ENPP1: variants seen among roughly 807,000 people sequenced by gnomAD.
ENPP1 encodes the protein ectonucleotide pyrophosphatase/phosphodiesterase 1.
In ENPP1, 73 loss-of-function variants were observed where a neutral mutation model predicts 122.8. That is an observed-to-expected ratio of 0.59 (90% CI 0.49 to 0.72). The LOEUF is 0.72. Ranked by LOEUF, ENPP1 falls within the 30% of genes least tolerant of loss-of-function variation. ENPP1 has a pLI of 0.00. For missense variants in ENPP1, 978 were observed against 1,128.1 expected (o/e 0.87, Z 1.91); for synonymous variants, 367 against 391.6 (o/e 0.94, Z 0.74).
intron 1 of ENPP1, among the ~76,000 whole-genome samples, chr6:131,812,571 C>A (rs1044819904): frequency 5.3e-5 from 8 of 152,124 alleles, no homozygotes; most frequent in Non-Finnish European, 1.2e-4. Flanking sequence ...AAGAGTATCA[C>A]CTTGTTAATG....
At chr6:131,836,117 CT>C (rs35069563) in intron 1 of ENPP1, among the ~76,000 whole-genome samples, 154 of 143,454 alleles carry the variant, frequency 1.1e-3, no homozygotes, top group Admixed American at 1.5e-3. Context: ...GTGTGGTTTT[CT>C]TTTTTTTTTT....
At chr6:131,861,203 G>A (rs1318813534) in intron 8 of ENPP1, among the ~76,000 whole-genome samples, 1 of 152,082 alleles carries the variant, frequency 6.6e-6, no homozygotes, top group Non-Finnish European at 1.5e-5. Flanking sequence ...ATTATTGTGA[G>A]GATTATGTGA....
chr6:131,822,989 C>T (rs894360648), intron 1 of ENPP1, among the ~76,000 whole-genome samples: 2 of 152,126 alleles, frequency 1.3e-5, no homozygotes, highest in African/African-American at 4.8e-5. Context: ...ACTCCTAAGC[C>T]GAGACTAGTT....
chr6:131,878,444 T>C, intron 18 of ENPP1, 98 bp from the exon 19 acceptor site: 1 of 780,868 alleles, frequency 1.3e-6, no homozygotes, highest in Non-Finnish European at 2.2e-6. Context: ...TAAATGATCT[T>C]TGTTCTATGT....
In ENPP1 at chr6:131,826,967, G is replaced by C. The variant is rs1781553745; in HGVS notation, c.240+18692G>C. ...TTCAGGCAGAGGATTTTAAAATTCT[G>C]CTCCAAAAAGCCAGTGCAGGATGGT... On this transcript the variant is annotated intron_variant, in intron 1 of 24. Coordinates refer to ENST00000647893, the MANE Select transcript of ENPP1 (RefSeq NM_006208.3). The C allele has an allele frequency of 7.6e-6, 3 of 395,986 alleles. No homozygotes were observed. The South Asian group carries it at 8.0e-5, about 11-fold the overall frequency. 24.5% of individuals were successfully genotyped at this position (395,986 alleles called of 1,614,324 possible).
chr6:131,859,479 G>A (rs1781989486), intron 7 of ENPP1, among the ~76,000 whole-genome samples: 4 of 151,376 alleles, frequency 2.6e-5, no homozygotes, highest in African/African-American at 4.9e-5. Context: ...TCCACCTCCC[G>A]GGTTCAAGTA....
chr6:131,834,888 C>T (rs1460922946), intron 1 of ENPP1, among the ~76,000 whole-genome samples: 1 of 152,070 alleles, frequency 6.6e-6, no homozygotes, highest in Non-Finnish European at 1.5e-5. Context: ...GAAGAGGGTA[C>T]AGGATGTAGG....
At chr6:131,828,591 T>G (rs1781574529) in intron 1 of ENPP1, among the ~76,000 whole-genome samples, 1 of 152,182 alleles carries the variant, frequency 6.6e-6, no homozygotes, top group Non-Finnish European at 1.5e-5. Flanking sequence ...ATTGAAAAAT[T>G]TCCTGTCTTT....
intron 1 of ENPP1, among the ~76,000 whole-genome samples, chr6:131,842,137 G>A (rs958184988): frequency 7.2e-5 from 11 of 152,080 alleles, no homozygotes; most frequent in African/African-American, 2.4e-4. Context: ...AACCTCTGTA[G>A]CTCACCTTCC....
chr6:131,849,715 C>A (rs879877142), intron 2 of ENPP1, among the ~76,000 whole-genome samples: 1 of 152,118 alleles, frequency 6.6e-6, no homozygotes, highest in Non-Finnish European at 1.5e-5. Context: ...TCTTATCAGA[C>A]CCAGTAACGT....
At chr6:131,833,220 T>A (rs1361753978) in intron 1 of ENPP1, among the ~76,000 whole-genome samples, 81 of 152,194 alleles carry the variant, frequency 5.3e-4, no homozygotes, top group Admixed American at 1.1e-3. Flanking sequence ...TGTCAGAGCT[T>A]GTGATTATCA....
rs79804711 is a variant in ENPP1, at chr6:131,821,121, C to T, written c.240+12846C>T. 6.9e-3 allele frequency among the ~76,000 whole-genome samples: 1,054 copies of T among 152,268 alleles called. 16 individuals carry two copies. Among genetic ancestry groups the T allele is most frequent in the African/African-American group, 0.024 (993 of 41,540 alleles). Reference sequence around the variant, plus strand: ...CTGCAGACTGACATATCAGCATTATCCTCTTAGAATTTGTAAGAAATGCAG... The same window carrying T: ...CTGCAGACTGACATATCAGCATTATTCTCTTAGAATTTGTAAGAAATGCAG... On this transcript the variant is annotated intron_variant, in intron 1 of 24. Coordinates refer to ENST00000647893, the MANE Select transcript of ENPP1 (RefSeq NM_006208.3).
chr6:131,827,767 C>A, intron 1 of ENPP1: 1 of 759,928 alleles, frequency 1.3e-6, no homozygotes. Context: ...GCTTTCTATA[C>A]CAGCTGACTC....
chr6:131,834,327 T>C (rs1781647438), intron 1 of ENPP1, among the ~76,000 whole-genome samples: 1 of 152,104 alleles, frequency 6.6e-6, no homozygotes, highest in Admixed American at 6.5e-5. Context: ...ATATCAGCTG[T>C]CTGGAGGGCT....
At chr6:131,825,914 A>G (rs1258405637) in intron 1 of ENPP1, 1 of 344,186 alleles carries the variant, frequency 2.9e-6, no homozygotes, top group Non-Finnish European at 5.3e-6. Context: ...AGAAAATTTT[A>G]CTTCTTATTT....
intron 1 of ENPP1, among the ~76,000 whole-genome samples, chr6:131,833,142 G>C (rs562446098): frequency 2.6e-5 from 4 of 152,258 alleles, no homozygotes; most frequent in Admixed American, 2.0e-4. Flanking sequence ...TCATTGAAAT[G>C]ACCTTTTAGA....
chr6:131,874,681 C>T (rs1782205250), intron 16 of ENPP1, among the ~76,000 whole-genome samples: 1 of 152,092 alleles, frequency 6.6e-6, no homozygotes, highest in Non-Finnish European at 1.5e-5. Context: ...AGCAATCCCA[C>T]TACTGGGTAT....
intron 1 of ENPP1, among the ~76,000 whole-genome samples, chr6:131,828,909 G>A (rs1228950312): frequency 6.6e-6 from 1 of 152,220 alleles, no homozygotes; most frequent in Admixed American, 6.5e-5. Context: ...CCTCTGTTTA[G>A]TTGTCTTTTT....
At chr6:131,820,020 T>A in intron 1 of ENPP1, 1 of 559,768 alleles carries the variant, frequency 1.8e-6, no homozygotes, top group South Asian at 1.5e-5. Flanking sequence ...ATAAGAAATC[T>A]GTTATCAAAG....
Sources: allele counts gnomAD v4.1 joint callset (sites outside exome capture counted in the v4.1 genomes callset), GRCh38; gene constraint gnomAD v4.1.1; transcripts MANE v1.5; gene names NCBI Gene and HGNC (gene_info 2026-07-23, HGNC 2026-07-21).